OTC: variants seen among roughly 807,000 people sequenced by gnomAD.
OTC encodes the protein ornithine transcarbamylase, mitochondrial.
OTC carries 3 observed loss-of-function variants against 30.3 expected under a neutral mutation model. That is an observed-to-expected ratio of 0.10 (90% CI 0.05 to 0.26). The LOEUF is 0.26. Among genes scored for constraint, OTC ranks in the 10% least tolerant of loss-of-function variants. OTC has a pLI of 1.00. For missense variants in OTC, 194 were observed against 260.3 expected (o/e 0.75, Z 1.75); for synonymous variants, 111 against 99.7 (o/e 1.11, Z -0.67).
intron 1 of OTC, among the ~76,000 whole-genome samples, chrX:38,364,715 C>T (rs192953378): frequency 1.8e-5 from 2 of 109,924 alleles, no homozygotes; most frequent in Admixed American, 9.7e-5. Flanking sequence ...TTGCTTCAAC[C>T]CAGGAGGTGG....
At chrX:38,410,799 A>G (rs2068539110) in intron 8 of OTC, among the ~76,000 whole-genome samples, 1 of 112,131 alleles carries the variant, frequency 8.9e-6, no homozygotes, top group South Asian at 3.6e-4. Context: ...GATGTATGGC[A>G]TTTATAAATG....
At chrX:38,354,592 C>A (rs1350747487) in intron 1 of OTC, among the ~76,000 whole-genome samples, 1 of 110,723 alleles carries the variant, frequency 9.0e-6, no homozygotes, top group Non-Finnish European at 1.9e-5. Flanking sequence ...AGCCAGACTA[C>A]ATTTCTGAAA....
intron 4 of OTC, among the ~76,000 whole-genome samples, chrX:38,397,041 AT>A (rs1302062512): frequency 9.0e-6 from 1 of 111,416 alleles, no homozygotes; most frequent in African/African-American, 3.3e-5. Context: ...AACAATACAT[AT>A]CTATACTATA....
chrX:38,341,917 AGAC>A, the OTC span, among the ~76,000 whole-genome samples: 1 of 108,440 alleles, frequency 9.2e-6, no homozygotes, highest in Non-Finnish European at 1.9e-5. Flanking sequence ...CCACTAGTTT[AGAC>A]GACAAGAGTG....
At chrX:38,409,054 A>T (rs1163963808) in intron 8 of OTC, 29 bp downstream of exon 8, 2 of 1,192,449 alleles carry the variant, frequency 1.7e-6, no homozygotes, top group Non-Finnish European at 2.3e-6. Flanking sequence ...CTGAAGGTTC[A>T]TTAATTCCAT....
At chrX:38,362,140 G>A (rs1385272217) in intron 1 of OTC, among the ~76,000 whole-genome samples, 2 of 111,764 alleles carry the variant, frequency 1.8e-5, no homozygotes, top group Non-Finnish European at 3.8e-5. Context: ...GGGAGTGGGG[G>A]AAAAGGGGAG....
the OTC span, among the ~76,000 whole-genome samples, chrX:38,331,421 TTTTTTTTTTG>T: frequency 1.0e-5 from 1 of 96,217 alleles, no homozygotes; most frequent in Admixed American, 1.1e-4. Flanking sequence ...ACCCAGCTAA[TTTTTTTTTTG>T]TTTTTTTTTT....
At chrX:38,385,664 T>C (rs992253792) in intron 4 of OTC, among the ~76,000 whole-genome samples, 1 of 104,461 alleles carries the variant, frequency 9.6e-6, no homozygotes, top group Non-Finnish European at 2.1e-5. Context: ...ATTTTGAACC[T>C]GATTTTTTTT....
Position 38,355,943 on chromosome X carries a change from G to A in OTC, c.77+3170G>A, listed in dbSNP as rs1251957913. Among the ~76,000 whole-genome samples, 3 of 109,261 alleles carry A rather than the reference G, an allele frequency of 2.7e-5. No individual in the cohort carries two copies. The Admixed American group carries it at 2.9e-4, about 11-fold the overall frequency. The allele number at this position is 109,261 out of a possible 115,157, so 94.9% of individuals were successfully genotyped here. ...TGCACCTGTAGTCCCAGCTACTCAGGAGGCTGAGGCAGAAGAATTGCTTGA... is the reference window on the plus strand; with the variant it reads ...TGCACCTGTAGTCCCAGCTACTCAGAAGGCTGAGGCAGAAGAATTGCTTGA... On this transcript the variant is annotated intron_variant, in intron 1 of 9. Transcript: ENST00000039007.
intron 1 of OTC, among the ~76,000 whole-genome samples, chrX:38,365,649 A>C (rs1045610447): frequency 8.9e-6 from 1 of 112,433 alleles, no homozygotes; most frequent in African/African-American, 3.2e-5. Flanking sequence ...CTCTTCCTTC[A>C]CTTCAAGCCC....
chrX:38,348,541 C>T (rs111259944), upstream of OTC, among the ~76,000 whole-genome samples: 17 of 88,752 alleles, frequency 1.9e-4, no homozygotes, highest in Non-Finnish European at 2.1e-4. Context: ...CTTTTTTTTT[C>T]TTTTTTTTTT....
At chrX:38,355,809 G>A (rs1277574568) in intron 1 of OTC, among the ~76,000 whole-genome samples, 1 of 112,057 alleles carries the variant, frequency 8.9e-6, no homozygotes, top group Admixed American at 9.4e-5. Flanking sequence ...GGCCGAGGTG[G>A]GTGGATCACC....
At chrX:38,422,727 C>T (rs930206527), downstream of OTC, among the ~76,000 whole-genome samples, 1 of 112,038 alleles carries the variant, frequency 8.9e-6, no homozygotes, top group African/African-American at 3.2e-5. Flanking sequence ...CTTAACTTTT[C>T]ATCTTAATCA....
rs142721764 is a variant in OTC, at chrX:38,386,577, A to G, written c.386+5148A>G. Among the ~76,000 whole-genome samples, 1,035 of 110,714 alleles carry G rather than the reference A, an allele frequency of 9.3e-3. 7 individuals carry two copies. The highest frequency in any genetic ancestry group is 0.015 in the Non-Finnish European group (786 of 52,910). ...ATATTTGTCCTTCTGTGACTGACTT[A>G]TCTCACTTAGCATAATGTTCTCCGC... On this transcript the variant is annotated intron_variant, in intron 4 of 9. Transcript: ENST00000039007.
chrX:38,346,988 C>A, the OTC span, among the ~76,000 whole-genome samples: 3 of 112,381 alleles, frequency 2.7e-5, no homozygotes, highest in Non-Finnish European at 3.8e-5. Context: ...CAAGTACATT[C>A]ATTTAACAAA....
At chrX:38,359,034 G>T (rs184804233) in intron 1 of OTC, among the ~76,000 whole-genome samples, 1 of 111,887 alleles carries the variant, frequency 8.9e-6, no homozygotes, top group African/African-American at 3.3e-5. Flanking sequence ...CAAGAACCCT[G>T]ACAACTTATT....
chrX:38,371,447 T>C (rs1267158246), intron 3 of OTC, among the ~76,000 whole-genome samples: 1 of 111,773 alleles, frequency 8.9e-6, no homozygotes, highest in Non-Finnish European at 1.9e-5. Flanking sequence ...AAGGAGGAAG[T>C]ACCGCAAACA....
the OTC span, among the ~76,000 whole-genome samples, chrX:38,336,616 G>A: frequency 1.2e-4 from 13 of 110,665 alleles, no homozygotes; most frequent in Admixed American, 9.7e-4. Context: ...TGCAGGTACC[G>A]CTTTCACCAT....
At chrX:38,406,210 T>C (rs1376575775) in intron 6 of OTC, among the ~76,000 whole-genome samples, 1 of 112,055 alleles carries the variant, frequency 8.9e-6, no homozygotes, top group African/African-American at 3.2e-5. Flanking sequence ...ACCTGTTTCC[T>C]TTAAAGATAA....
Sources: allele counts gnomAD v4.1 joint callset (sites outside exome capture counted in the v4.1 genomes callset), GRCh38; gene constraint gnomAD v4.1.1; transcripts MANE v1.5; gene names NCBI Gene and HGNC (gene_info 2026-07-23, HGNC 2026-07-21).